Variants in AKR1C8 observed in about 807,000 individuals in gnomAD.
The protein encoded by AKR1C8 is aldo-keto reductase family 1 member C-like protein 1.
chr10:5,174,984 ATATTT>A, the AKR1C8 span, among the ~76,000 whole-genome samples: 2 of 152,098 alleles, frequency 1.3e-5, no homozygotes, highest in African/African-American at 4.8e-5. Context: ...TGTTATTATT[ATATTT>A]TAAGTTTTAG....
chr10:5,127,649 G>A, the AKR1C8 span, among the ~76,000 whole-genome samples: 2 of 149,634 alleles, frequency 1.3e-5, no homozygotes, highest in African/African-American at 4.9e-5. Context: ...AACCTGGGAG[G>A]AGGAGGTTGC....
the AKR1C8 span, among the ~76,000 whole-genome samples, chr10:5,136,366 G>T: frequency 6.6e-6 from 1 of 152,086 alleles, no homozygotes; most frequent in Non-Finnish European, 1.5e-5. Flanking sequence ...TGGCGAATAT[G>T]ACGAAACCTC....
chr10:5,178,635 C>G, the AKR1C8 span, among the ~76,000 whole-genome samples: 28 of 152,224 alleles, frequency 1.8e-4, no homozygotes, highest in East Asian at 7.7e-4. Context: ...GTAGGTCACT[C>G]AGGACTTGCT....
At chr10:5,144,511 G>A in the AKR1C8 span, among the ~76,000 whole-genome samples, 2 of 151,382 alleles carry the variant, frequency 1.3e-5, no homozygotes, top group East Asian at 3.9e-4. Flanking sequence ...CATGAGCATG[G>A]AATGTTCTTC....
chr10:5,163,127 A>G, the AKR1C8 span: 1 of 414,398 alleles, frequency 2.4e-6, no homozygotes, highest in Admixed American at 2.5e-5. Context: ...GCCTCCTCCA[A>G]TTTTGATGAC....
the AKR1C8 span, among the ~76,000 whole-genome samples, chr10:5,116,449 C>A: frequency 6.6e-6 from 1 of 152,096 alleles, no homozygotes; most frequent in Non-Finnish European, 1.5e-5. Flanking sequence ...TCCACTTCCA[C>A]CCCTTGATTC....
At chr10:5,153,518 T>G in the AKR1C8 span, among the ~76,000 whole-genome samples, 5 of 152,148 alleles carry the variant, frequency 3.3e-5, no homozygotes, top group Non-Finnish European at 5.9e-5. Context: ...TACCTAAGAC[T>G]GGGTAACTTT....
At chr10:5,153,979 A>C in the AKR1C8 span, among the ~76,000 whole-genome samples, 1 of 152,160 alleles carries the variant, frequency 6.6e-6, no homozygotes, top group African/African-American at 2.4e-5. Flanking sequence ...TAATCAGGAA[A>C]AACAAACATC....
At chr10:5,163,167 A>G in the AKR1C8 span, 1 of 347,812 alleles carries the variant, frequency 2.9e-6, no homozygotes, top group Admixed American at 3.5e-5. Flanking sequence ...CTGTACTCTG[A>G]GGACATTGAT....
the AKR1C8 span, among the ~76,000 whole-genome samples, chr10:5,162,394 T>C: frequency 6.6e-6 from 1 of 152,186 alleles, no homozygotes; most frequent in South Asian, 2.1e-4. Flanking sequence ...ACAGGGTGCA[T>C]CCCTGGAGAC....
At chr10:5,133,607 T>C in the AKR1C8 span, among the ~76,000 whole-genome samples, 2 of 152,182 alleles carry the variant, frequency 1.3e-5, no homozygotes, top group Non-Finnish European at 2.9e-5. Context: ...TTTACCTGGG[T>C]ACTGATTACA....
the AKR1C8 span, among the ~76,000 whole-genome samples, chr10:5,129,260 G>C: frequency 1.3e-5 from 2 of 151,884 alleles, no homozygotes; most frequent in African/African-American, 4.8e-5. Context: ...GAAGACCTCT[G>C]GAATATAGCA....
the AKR1C8 span, among the ~76,000 whole-genome samples, chr10:5,175,123 C>T: frequency 1.5e-5 from 2 of 136,434 alleles, no homozygotes; most frequent in Non-Finnish European, 1.6e-5. Flanking sequence ...CCCCCCTCCC[C>T]CCTCCCCCAA....
the AKR1C8 span, among the ~76,000 whole-genome samples, chr10:5,144,925 G>A: frequency 1.5e-3 from 224 of 151,966 alleles, 1 homozygote; most frequent in African/African-American, 5.2e-3. Context: ...GGAGTGGTGA[G>A]AGAGGGCATC....
At chr10:5,177,154 C>G in the AKR1C8 span, among the ~76,000 whole-genome samples, 1 of 152,130 alleles carries the variant, frequency 6.6e-6, no homozygotes, top group East Asian at 1.9e-4. Context: ...TGCATCCCAT[C>G]AATACCTGAT....
At chr10:5,158,007 G>C in the AKR1C8 span, among the ~76,000 whole-genome samples, 177 of 152,294 alleles carry the variant, frequency 1.2e-3, no homozygotes, top group Non-Finnish European at 2.2e-3. Context: ...CAGGTGAATG[G>C]ATAAACAAGT....
At chr10:5,159,029 T>G in the AKR1C8 span, among the ~76,000 whole-genome samples, 3 of 152,098 alleles carry the variant, frequency 2.0e-5, no homozygotes, top group Admixed American at 1.3e-4. Flanking sequence ...CAGTTCTGAG[T>G]GTGAAAGTTT....
the AKR1C8 span, among the ~76,000 whole-genome samples, chr10:5,151,557 GTTT>G: frequency 2.3e-5 from 3 of 132,658 alleles, no homozygotes; most frequent in African/African-American, 5.7e-5. Context: ...TTCCCTTTGG[GTTT>G]TTTTTTTTTT....
At chr10:5,115,953 C>T in the AKR1C8 span, among the ~76,000 whole-genome samples, 4 of 152,270 alleles carry the variant, frequency 2.6e-5, no homozygotes, top group East Asian at 1.9e-4. Flanking sequence ...TCTTCTACTA[C>T]CCAGTATGCA....
Sources: allele counts gnomAD v4.1 joint callset (sites outside exome capture counted in the v4.1 genomes callset), GRCh38; gene constraint gnomAD v4.1.1; transcripts MANE v1.5; gene names NCBI Gene and HGNC (gene_info 2026-07-23, HGNC 2026-07-21).